MTA1: variants seen among roughly 807,000 people sequenced by gnomAD.
MTA1 encodes metastasis associated 1.
Under a neutral mutation model 97.0 loss-of-function variants are expected in MTA1, and 15 were observed. The observed-to-expected ratio is 0.15, with a 90% CI of 0.10 to 0.24. MTA1 has a LOEUF of 0.24. MTA1 is among the 10% of genes least tolerant of loss of function. The pLI, the probability that MTA1 is intolerant of heterozygous loss-of-function variation, is 1.00. For synonymous variants in MTA1, 435 were observed against 417.5 expected (o/e 1.04, Z -0.51); for missense variants, 709 against 1,015.1 (o/e 0.70, Z 4.10).
intron 1 of MTA1, among the ~76,000 whole-genome samples, chr14:105,430,367 C>T (rs893018146): frequency 2.6e-5 from 4 of 152,002 alleles, no homozygotes; most frequent in Non-Finnish European, 4.4e-5. Context: ...CTGGGGCAGT[C>T]GGAACACACA....
In MTA1 at chr14:105,463,722, G is replaced by A; in HGVS notation, c.1076+171G>A. The A allele has an allele frequency of 1.5e-6, 1 of 658,572 alleles. No homozygotes were observed. 40.8% of individuals were successfully genotyped at this position (658,572 alleles called of 1,614,324 possible). A position where few individuals can be genotyped will look rare whatever the true frequency, so the allele number is the denominator to read the frequency against. ...CTGGGGGGTTCTGGCTGCAGACGCA[G>A]TGGCCATGTCTCTGTCGTCCTGGCC... On this transcript the variant is annotated intron_variant, in intron 12 of 20. Coordinates refer to ENST00000331320, the MANE Select transcript of MTA1 (RefSeq NM_004689.4). This position sits in a 1 kb window ranked among gnomAD's most constrained non-coding sequence, Gnocchi z 5.9.
chr14:105,421,102 A>G (rs901834787), intron 1 of MTA1, among the ~76,000 whole-genome samples: 1 of 145,128 alleles, frequency 6.9e-6, no homozygotes, highest in Admixed American at 6.8e-5. Context: ...CAGTCCTGTG[A>G]CCTTGGGGAC....
chr14:105,465,234 T>C (rs1555432449), intron 16 of MTA1, 51 bp downstream of exon 16: 3 of 1,451,502 alleles, frequency 2.1e-6, no homozygotes, highest in East Asian at 5.1e-5. Flanking sequence ...GCAGGCAGCT[T>C]CTCACCCAAG....
Position 105,466,437 on chromosome 14 carries a change from C to G in MTA1, c.1636C>G (p.Arg546Gly). The change falls in exon 17 of 21, where the codon CGC (arginine) becomes GGC (glycine). Residue 546 changes from arginine to glycine, a missense_variant. This residue lies in a region of MTA1 where 388 missense variants were observed against 421.6 expected (regional missense o/e 0.92). Transcript: ENST00000331320. ...AVLRYLETHP[R>G]PPKPDPVKSV... The stretch of plus-strand genomic sequence containing the variant: ...GTCATTCCCGGCAGAGACCCACCCC[C>G]GCCCCCCCAAGCCTGACCCCGTGAA... The G allele has an allele frequency of 6.7e-7, 1 of 1,498,246 alleles. No individual in the cohort carries two copies. Among genetic ancestry groups the G allele is most frequent in the Non-Finnish European group, 9.2e-7 (1 of 1,088,158 alleles). 92.8% of individuals were successfully genotyped at this position (1,498,246 alleles called of 1,614,324 possible).
chr14:105,446,450 T>C (rs963988224), intron 3 of MTA1, among the ~76,000 whole-genome samples: 2 of 151,800 alleles, frequency 1.3e-5, no homozygotes, highest in African/African-American at 2.4e-5. Context: ...CGACCCCTAA[T>C]GGGGTGAGGT....
rs1447032668 is a variant in MTA1 at position 105,424,032 on chromosome 14, C to T, written c.28+3969C>T. On this transcript the variant is annotated intron_variant, in intron 1 of 20. Transcript: ENST00000331320. The surrounding 1 kb of genome is among the most constrained non-coding windows in gnomAD (Gnocchi z 4.0). ...CCAGGAGCGGGAGTGGTAGAAGTGG[C>T]AGGGGCCCAGGTGTGATGTCCTGGA... is the stretch of plus-strand genomic sequence containing the variant. 6.6e-6 allele frequency among the ~76,000 whole-genome samples: 1 copy of T among 152,212 alleles called. No homozygotes were observed. The highest frequency in any genetic ancestry group is 1.5e-5 in the Non-Finnish European group (1 of 68,034).
intron 1 of MTA1, among the ~76,000 whole-genome samples, chr14:105,432,658 C>T (rs2082210998): frequency 6.6e-6 from 1 of 152,208 alleles, no homozygotes; most frequent in Non-Finnish European, 1.5e-5. Flanking sequence ...ATGTTCTCTA[C>T]GTTCTTTATG....
At chr14:105,433,110 C>T (rs966453575) in intron 1 of MTA1, among the ~76,000 whole-genome samples, 3 of 152,244 alleles carry the variant, frequency 2.0e-5, no homozygotes, top group South Asian at 2.1e-4. Flanking sequence ...AGCAAAAGGA[C>T]GCAGACTCAA....
intron 1 of MTA1, among the ~76,000 whole-genome samples, chr14:105,423,899 C>T (rs1555421595): frequency 6.6e-6 from 1 of 152,248 alleles, no homozygotes; most frequent in East Asian, 1.9e-4. Context: ...GTGCTGAGTG[C>T]ACCGTGTCCC....
At position 105,463,295 on chromosome 14, in the gene MTA1, G is replaced by A. The variant is rs755603967; in HGVS notation, c.1017+37G>A. ...CGCCACTCAGTGCCCGGGGTGTGCC[G>A]CCTCCCCGTCCTGCGCCCCATCCTC... On this transcript the variant is annotated intron_variant, in intron 11 of 20. Coordinates refer to ENST00000331320, the MANE Select transcript of MTA1 (RefSeq NM_004689.4). The surrounding 1 kb of genome is among the most constrained non-coding windows in gnomAD (Gnocchi z 5.9). The A allele has an allele frequency of 1.3e-4, 209 of 1,605,270 alleles. 1 individual carries two copies. Among genetic ancestry groups the A allele is most frequent in the Non-Finnish European group, 1.6e-4 (188 of 1,175,206 alleles).
At chr14:105,466,234 G>A (rs1431885838) in intron 16 of MTA1, 192 bp from the exon 17 acceptor site, 8 of 584,106 alleles carry the variant, frequency 1.4e-5, no homozygotes, top group East Asian at 8.8e-5. Context: ...ACGCCTTGCC[G>A]AGGGCTTCTG....
In MTA1 at chr14:105,466,461, A is replaced by G; in HGVS notation, c.1660A>G (p.Lys554Glu). 1.0e-6 allele frequency: 1 copy of G among 993,808 alleles called. No individual in the cohort carries two copies. The highest frequency in any genetic ancestry group is 1.4e-6 in the Non-Finnish European group (1 of 696,264). The allele number at this position is 993,808 out of a possible 1,614,324, so 61.6% of individuals were successfully genotyped here. A position where few individuals can be genotyped will look rare whatever the true frequency, so the allele number is the denominator to read the frequency against. Residue 554 changes from lysine to glutamate, a missense_variant, in exon 17 of 21, where the codon AAA becomes GAA. Transcript: ENST00000331320. The part of the protein sequence containing the change: ...HPRPPKPDPV[K>E]SVSSVLSSLT... The stretch of plus-strand genomic sequence containing the variant: ...CCGCCCCCCCAAGCCTGACCCCGTG[A>G]AAAGCGTGTCCAGCGTGCTCAGCAG...
At chr14:105,455,691 T>C (rs587615985) in intron 7 of MTA1, among the ~76,000 whole-genome samples, 3 of 152,360 alleles carry the variant, frequency 2.0e-5, no homozygotes, top group Admixed American at 6.5e-5. Flanking sequence ...AAGGTGCTGG[T>C]GCGTCTCACA....
At chr14:105,436,430 A>G (rs1442462224) in intron 1 of MTA1, among the ~76,000 whole-genome samples, 1 of 152,158 alleles carries the variant, frequency 6.6e-6, no homozygotes, top group Admixed American at 6.5e-5. Flanking sequence ...TTACGTGTAC[A>G]GTTCCGTGAA....
At chr14:105,468,542 C>T (rs1344299797) in intron 18 of MTA1, among the ~76,000 whole-genome samples, 1 of 152,210 alleles carries the variant, frequency 6.6e-6, no homozygotes, top group East Asian at 1.9e-4. Context: ...CCAGTTGGCC[C>T]CCAGGGGAGT....
rs868914523 is a variant in MTA1, at chr14:105,470,414, C to T, written c.*199C>T. ...TATTCCGAGAATGCCGAGGAGTTGT[C>T]GTTTTTAGCTTTGTGTTTACTTTTT... On this transcript the variant is annotated 3_prime_UTR_variant, in exon 21 of 21. Coordinates refer to ENST00000331320, the MANE Select transcript of MTA1 (RefSeq NM_004689.4). 6.9e-5 allele frequency: 35 copies of T among 508,872 alleles called. No homozygotes were observed. The highest frequency in any genetic ancestry group is 1.1e-3 in the Middle Eastern group (2 of 1,828). The allele number at this position is 508,872 out of a possible 1,614,324, so 31.5% of individuals were successfully genotyped here.
At chr14:105,455,232 C>T (rs1254695169) in intron 7 of MTA1, among the ~76,000 whole-genome samples, 2 of 152,226 alleles carry the variant, frequency 1.3e-5, no homozygotes, top group Non-Finnish European at 2.9e-5. Flanking sequence ...TTTTTGCCTC[C>T]AGAAATTTTC....
chr14:105,427,737 A>G (rs1555422544), intron 1 of MTA1, among the ~76,000 whole-genome samples: 1 of 152,054 alleles, frequency 6.6e-6, no homozygotes, highest in African/African-American at 2.4e-5. Flanking sequence ...AGTAAGGTTT[A>G]GGCCGGGCAT....
chr14:105,470,373 A>G lies in MTA1; in HGVS notation c.*158A>G. 1 of 582,376 alleles carries G rather than the reference A, an allele frequency of 1.7e-6. No homozygotes were observed. The highest frequency in any genetic ancestry group is 2.7e-6 in the Non-Finnish European group (1 of 364,898). The allele number at this position is 582,376 out of a possible 1,614,324, so 36.1% of individuals were successfully genotyped here. A position where few individuals can be genotyped will look rare whatever the true frequency, so the allele number is the denominator to read the frequency against. ...TGGCGGACACTGGGGGAGGAGAGGA[A>G]GAAGCGCGGCTAACTTATTCCGAGA... On this transcript the variant is annotated 3_prime_UTR_variant, in exon 21 of 21. Transcript: ENST00000331320.
Sources: gnomAD v4.1 joint callset for allele counts (sites outside exome capture counted in the v4.1 genomes callset) on GRCh38, gnomAD v4.1.1 for gene constraint, gnomAD v4.1.1 regional missense constraint, Gnocchi (gnomAD v3.1) non-coding constraint, MANE v1.5 for transcripts, NCBI Gene and HGNC (gene_info 2026-07-23, HGNC 2026-07-21) for gene names.